Variants in CACNA1C observed in about 807,000 individuals in gnomAD.
The protein encoded by CACNA1C is voltage-dependent L-type calcium channel subunit alpha-1C.
CACNA1C carries 30 observed loss-of-function variants against 229.0 expected under a neutral mutation model. That is an observed-to-expected ratio of 0.13 (90% CI 0.10 to 0.18). The LOEUF (loss-of-function observed/expected upper bound fraction) is 0.18. CACNA1C is among the 10% of genes least tolerant of loss of function. The pLI, the probability that CACNA1C is intolerant of heterozygous loss-of-function variation, is 1.00. For synonymous variants in CACNA1C, 1,114 were observed against 1,132.5 expected, an observed-to-expected ratio of 0.98 and a Z score of 0.33; for missense variants, 1,658 against 2,845.0, an observed-to-expected ratio of 0.58 and a Z score of 9.49.
intron 5 of CACNA1C, among the ~76,000 whole-genome samples, chr12:2,459,402 C>T (rs892475936): frequency 6.6e-6 from 1 of 152,110 alleles, no homozygotes; most frequent in Non-Finnish European, 1.5e-5. Context: ...TCTATTGCCT[C>T]TGATTCCCAC....
At chr12:2,380,030 C>CAAAAAAAAAAAAA (rs1172016514) in intron 3 of CACNA1C, among the ~76,000 whole-genome samples, 4 of 80,140 alleles carry the variant, frequency 5.0e-5, no homozygotes, top group African/African-American at 9.6e-5. Context: ...GACTCCGTCT[C>CAAAAAAAAAAAAA]AAAAAAAAAA....
Position 2,595,868 on chromosome 12 carries a change from G to T in CACNA1C, c.2664-6G>T, listed in dbSNP as rs374269485. The T allele has an allele frequency of 1.9e-6, 3 of 1,612,856 alleles. No individual in the cohort carries two copies. Among genetic ancestry groups the T allele is most frequent in the Middle Eastern group, 1.7e-4 (1 of 6,054 alleles). ...TGTCTCTCCTCCTGTCCCCTCTCCC[G>T]TACAGGTTTCGCCTCCAGTGCCACC... On this transcript the variant is annotated splice_polypyrimidine_tract_variant and splice_region_variant and intron_variant, in intron 19 of 46. Transcript: ENST00000399655. This position sits in a 1 kb window ranked among gnomAD's most constrained non-coding sequence, Gnocchi z 4.1.
chr12:2,413,049 G>A (rs558018311), intron 3 of CACNA1C, among the ~76,000 whole-genome samples: 3 of 152,274 alleles, frequency 2.0e-5, no homozygotes, highest in Admixed American at 6.5e-5. Context: ...AAGGAGTCTC[G>A]CTCTGTCGCC....
intron 3 of CACNA1C, among the ~76,000 whole-genome samples, chr12:2,282,787 GACTTC>G (rs2091717587): frequency 6.6e-6 from 1 of 152,166 alleles, no homozygotes; most frequent in African/African-American, 2.4e-5. Flanking sequence ...GAATGTTCTC[GACTTC>G]AAGTAACAGG....
intron 7 of CACNA1C, among the ~76,000 whole-genome samples, chr12:2,497,317 T>G (rs918930047): frequency 2.0e-5 from 3 of 152,236 alleles, no homozygotes; most frequent in Admixed American, 1.3e-4. Context: ...CAGTGCTGAC[T>G]TTGTGTTCAG....
At chr12:2,500,678 C>G (rs534230789) in intron 7 of CACNA1C, among the ~76,000 whole-genome samples, 5 of 152,168 alleles carry the variant, frequency 3.3e-5, no homozygotes, top group Non-Finnish European at 5.9e-5. Context: ...TTGCCAAGAA[C>G]AGACATCCTC....
chr12:2,697,732 T>C lies in CACNA1C; in HGVS notation c.*6533T>C, dbSNP rs181496343. On this transcript the variant is annotated 3_prime_UTR_variant, in exon 47 of 47. Transcript: ENST00000399655. ...AGTTTGTAATCCTCAAATAATCCCA[T>C]TGTCAGAGGCCTCGCCTGATGGGCC... 1,128 of 152,228 alleles carry C rather than the reference T, an allele frequency of 7.4e-3. 10 individuals carry two copies. The highest frequency in any genetic ancestry group is 0.011 in the Non-Finnish European group (762 of 67,970). The allele number at this position is 152,228 out of a possible 1,614,324, so 9.4% of individuals were successfully genotyped here.
At chr12:2,122,049 G>A (rs775712269) in intron 3 of CACNA1C, among the ~76,000 whole-genome samples, 1 of 152,174 alleles carries the variant, frequency 6.6e-6, no homozygotes, top group Non-Finnish European at 1.5e-5. Flanking sequence ...CTGAGCTAGA[G>A]GGAAGCCCTG....
At chr12:2,114,238 C>T (rs939796278) in intron 1 of CACNA1C, among the ~76,000 whole-genome samples, 1 of 152,124 alleles carries the variant, frequency 6.6e-6, no homozygotes, top group Non-Finnish European at 1.5e-5. Flanking sequence ...GCCAGGGCTC[C>T]CTCTTGCCAC....
chr12:2,572,416 T>TTCCTCCTCCTCCTCTCC, intron 13 of CACNA1C, among the ~76,000 whole-genome samples: 1 of 3,884 alleles, frequency 2.6e-4, no homozygotes. Flanking sequence ...CCTCCTCCTG[T>TTCCTCCTCCTCCTCTCC]TCCTCCTCCT....
intron 3 of CACNA1C, among the ~76,000 whole-genome samples, chr12:2,407,300 A>G (rs1183077976): frequency 6.6e-6 from 1 of 151,750 alleles, no homozygotes; most frequent in Non-Finnish European, 1.5e-5. Flanking sequence ...GAGCCTCATC[A>G]TGACCCAGTG....
chr12:2,641,229 A>T (rs1394125669), intron 30 of CACNA1C, among the ~76,000 whole-genome samples: 1 of 152,152 alleles, frequency 6.6e-6, no homozygotes, highest in East Asian at 1.9e-4. Context: ...TACCTTGAGC[A>T]CCCGCTGTGT....
At chr12:2,276,158 A>G (rs2087922702) in intron 3 of CACNA1C, among the ~76,000 whole-genome samples, 1 of 152,012 alleles carries the variant, frequency 6.6e-6, no homozygotes, top group Non-Finnish European at 1.5e-5. Context: ...CATTATTCAG[A>G]GCAGAAAACT....
chr12:2,430,119 G>A (rs2099068342), intron 3 of CACNA1C, among the ~76,000 whole-genome samples: 1 of 152,148 alleles, frequency 6.6e-6, no homozygotes, highest in Non-Finnish European at 1.5e-5. Flanking sequence ...TGGAAGGGGT[G>A]AGCTAGCTCT....
At chr12:2,025,885 A>G (rs1365130594) in intron 1 of CACNA1C, among the ~76,000 whole-genome samples, 2 of 152,244 alleles carry the variant, frequency 1.3e-5, no homozygotes, top group Admixed American at 1.3e-4. Context: ...CTAGGCACAG[A>G]GCAGACAAAG....
intron 1 of CACNA1C, among the ~76,000 whole-genome samples, chr12:2,021,595 G>A (rs11062076): frequency 0.16 from 23,547 of 151,788 alleles, 1,902 homozygotes; most frequent in Admixed American, 0.2. Flanking sequence ...CAGGAGAATC[G>A]CTTGAACCCG....
intron 9 of CACNA1C, among the ~76,000 whole-genome samples, chr12:2,538,263 C>T (rs1485193421): frequency 2.0e-5 from 3 of 152,130 alleles, no homozygotes; most frequent in Non-Finnish European, 2.9e-5. Context: ...AATATTTAAT[C>T]CTGTTTTATA....
chr12:2,366,422 A>C (rs1271408046), intron 3 of CACNA1C, among the ~76,000 whole-genome samples: 4 of 152,234 alleles, frequency 2.6e-5, no homozygotes, highest in Admixed American at 2.6e-4. Flanking sequence ...GAAATTGCCT[A>C]TATAATACAA....
chr12:2,142,809 A>G (rs1003122879), intron 3 of CACNA1C, among the ~76,000 whole-genome samples: 14 of 151,304 alleles, frequency 9.3e-5, no homozygotes, highest in Admixed American at 8.0e-4. Context: ...CTTATAGAAT[A>G]TGGATAAAAG....
Sources: allele counts gnomAD v4.1 joint callset (sites outside exome capture counted in the v4.1 genomes callset), GRCh38; gene constraint gnomAD v4.1.1; non-coding constraint Gnocchi (gnomAD v3.1); transcripts MANE v1.5; gene names NCBI Gene and HGNC (gene_info 2026-07-23, HGNC 2026-07-21).